Variants in ADAM22 observed in about 807,000 individuals in gnomAD.
ADAM22 encodes ADAM metallopeptidase domain 22, also known as disintegrin and metalloproteinase domain-containing protein 22.
In ADAM22, 65 loss-of-function variants were observed where a neutral mutation model predicts 144.6. The observed-to-expected ratio is 0.45, with a 90% CI of 0.37 to 0.55. The LOEUF (loss-of-function observed/expected upper bound fraction) is 0.55, where lower values mean the gene tolerates loss of function less well. Ranked by LOEUF, ADAM22 falls within the 20% of genes least tolerant of loss-of-function variation. The probability of loss-of-function intolerance (pLI) is 0.00; values close to 1 mark genes in which losing one functional copy is unlikely to be tolerated. For missense variants in ADAM22, 974 were observed against 1,184.9 expected, an observed-to-expected ratio of 0.82 and a Z score of 2.61; for synonymous variants, 391 against 412.6, an observed-to-expected ratio of 0.95 and a Z score of 0.63.
chr7:88,141,891 C>G (rs1158562302), intron 14 of ADAM22, among the ~76,000 whole-genome samples: 1 of 151,956 alleles, frequency 6.6e-6, no homozygotes, highest in African/African-American at 2.4e-5. Flanking sequence ...GTGCACGTAG[C>G]CAATCATTTC....
chr7:88,139,629 G>C (rs899166388), intron 14 of ADAM22, among the ~76,000 whole-genome samples: 1 of 151,972 alleles, frequency 6.6e-6, no homozygotes, highest in African/African-American at 2.4e-5. Flanking sequence ...TCACTTACTG[G>C]GTATCAACTT....
chr7:88,172,790 A>T (rs543250371), intron 26 of ADAM22, among the ~76,000 whole-genome samples: 1 of 151,960 alleles, frequency 6.6e-6, no homozygotes. Context: ...AAGAACAACC[A>T]GATTTCTTCA....
At chr7:88,190,392 G>A (rs1162135688) in intron 30 of ADAM22, among the ~76,000 whole-genome samples, 1 of 151,848 alleles carries the variant, frequency 6.6e-6, no homozygotes, top group Non-Finnish European at 1.5e-5. Flanking sequence ...AAAATTAGCC[G>A]GGGGTGGTGG....
At chr7:87,978,617 T>C (rs904259388) in intron 3 of ADAM22, among the ~76,000 whole-genome samples, 6 of 152,218 alleles carry the variant, frequency 3.9e-5, no homozygotes, top group Non-Finnish European at 8.8e-5. Context: ...GCACCTATAA[T>C]AGAGTTAAGA....
intron 24 of ADAM22, 72 bp downstream of exon 24, chr7:88,166,018 T>A (rs1319484009): frequency 2.0e-6 from 2 of 1,023,944 alleles, no homozygotes; most frequent in Non-Finnish European, 2.8e-6. Flanking sequence ...AAAACTTTTA[T>A]TTGAGTTATT....
At chr7:88,018,574 A>G (rs1371996639) in intron 3 of ADAM22, among the ~76,000 whole-genome samples, 3 of 152,236 alleles carry the variant, frequency 2.0e-5, no homozygotes, top group Non-Finnish European at 4.4e-5. Flanking sequence ...AGAAATATAA[A>G]GCATCTGCTT....
At chr7:88,080,335 A>G (rs1281158920) in intron 4 of ADAM22, among the ~76,000 whole-genome samples, 2 of 152,228 alleles carry the variant, frequency 1.3e-5, no homozygotes, top group Non-Finnish European at 2.9e-5. Context: ...TCCCTGGGAC[A>G]CATTCAAAGC....
chr7:88,012,754 C>T (rs1795725681), intron 3 of ADAM22, among the ~76,000 whole-genome samples: 1 of 152,122 alleles, frequency 6.6e-6, no homozygotes, highest in African/African-American at 2.4e-5. Flanking sequence ...GTAGGCTCAT[C>T]CCTCTGCTGT....
At chr7:88,053,236 G>C (rs1441347018) in intron 3 of ADAM22, among the ~76,000 whole-genome samples, 1 of 151,810 alleles carries the variant, frequency 6.6e-6, no homozygotes, top group Non-Finnish European at 1.5e-5. Flanking sequence ...ACATCCTACT[G>C]ATATCTCTTA....
At chr7:88,044,245 G>A (rs1277180129) in intron 3 of ADAM22, among the ~76,000 whole-genome samples, 1 of 152,058 alleles carries the variant, frequency 6.6e-6, no homozygotes, top group African/African-American at 2.4e-5. Context: ...TAACTTAAAA[G>A]TTACTCTTCC....
intron 2 of ADAM22, among the ~76,000 whole-genome samples, chr7:87,941,838 A>G (rs1202334420): frequency 6.6e-6 from 1 of 152,216 alleles, no homozygotes; most frequent in Non-Finnish European, 1.5e-5. Flanking sequence ...GAAACTAACT[A>G]TGAATGACTC....
rs1364414911 is a variant in ADAM22, at chr7:87,952,751, G to A, written c.246+17565G>A. ...CCTCCTTGTACCTCTGGTAGAATTC[G>A]GCTGTGAATCCATCTGGTCCTGGAT... On this transcript the variant is annotated intron_variant, in intron 2 of 31. Transcript: ENST00000413139. Among the ~76,000 whole-genome samples the A allele has an allele frequency of 2.6e-5, 4 of 152,214 alleles. 1 individual carries two copies. The highest frequency in any genetic ancestry group is 2.9e-5 in the Non-Finnish European group (2 of 68,010).
At chr7:87,975,366 A>G (rs567323008) in intron 2 of ADAM22, among the ~76,000 whole-genome samples, 1 of 152,278 alleles carries the variant, frequency 6.6e-6, no homozygotes, top group South Asian at 2.1e-4. Context: ...TTTCTTCACT[A>G]CTTTGTCCCC....
intron 4 of ADAM22, among the ~76,000 whole-genome samples, chr7:88,089,268 A>G (rs187979525): frequency 9.0e-4 from 137 of 152,212 alleles, no homozygotes; most frequent in African/African-American, 3.3e-3. Flanking sequence ...ATATATATAT[A>G]AAAAAAGAAA....
At chr7:88,004,959 C>A (rs1290833553) in intron 3 of ADAM22, among the ~76,000 whole-genome samples, 2 of 152,012 alleles carry the variant, frequency 1.3e-5, no homozygotes, top group Non-Finnish European at 2.9e-5. Context: ...TTTGGATAAT[C>A]CAGCACTAAA....
At chr7:88,020,195 A>G (rs1172018120) in intron 3 of ADAM22, among the ~76,000 whole-genome samples, 1 of 152,220 alleles carries the variant, frequency 6.6e-6, no homozygotes, top group Non-Finnish European at 1.5e-5. Context: ...GGCAAGGGAC[A>G]AATATGTGTT....
intron 5 of ADAM22, among the ~76,000 whole-genome samples, chr7:88,110,998 C>T (rs917982017): frequency 1.4e-4 from 21 of 148,174 alleles, no homozygotes; most frequent in African/African-American, 5.0e-4. Flanking sequence ...ACCTCAGCCT[C>T]CCAAAGTGCT....
In ADAM22 at chr7:88,200,042, CCTGT is replaced by C. The variant is rs1851065778; in HGVS notation, c.*3554_*3557del. 6.6e-6 allele frequency: 1 copy of C among 152,272 alleles called. No homozygotes were observed. The highest frequency in any genetic ancestry group is 1.5e-5 in the Non-Finnish European group (1 of 68,008). The allele number at this position is 152,272 out of a possible 1,614,324, so 9.4% of individuals were successfully genotyped here. ...CCCTTGCATATCTACATAATTTAAT[CCTGT>C]CTATTGTCCCAGATCTCTTGTGGCT... On this transcript the variant is annotated 3_prime_UTR_variant, in exon 32 of 32. Coordinates refer to ENST00000413139, the MANE Select transcript of ADAM22 (RefSeq NM_001324418.2).
intron 4 of ADAM22, among the ~76,000 whole-genome samples, chr7:88,107,321 C>A (rs1219928874): frequency 6.6e-6 from 1 of 150,984 alleles, no homozygotes; most frequent in African/African-American, 2.4e-5. Context: ...CCTGCCTCAG[C>A]CTCCCGAGTA....
Sources: gnomAD v4.1 joint callset for allele counts (sites outside exome capture counted in the v4.1 genomes callset) on GRCh38, gnomAD v4.1.1 for gene constraint, MANE v1.5 for transcripts, NCBI Gene and HGNC (gene_info 2026-07-23, HGNC 2026-07-21) for gene names.